The following TASP1 variants were observed in gnomAD, a reference collection of about 807,000 sequenced individuals.
TASP1 encodes the protein threonine aspartase 1.
TASP1 carries 16 observed loss-of-function variants against 56.6 expected under a neutral mutation model. That is an observed-to-expected ratio of 0.28 (90% CI 0.19 to 0.43). TASP1 has a LOEUF of 0.43. Among genes scored for constraint, TASP1 ranks in the 20% least tolerant of loss-of-function variants. The pLI is 1.00. For synonymous variants in TASP1, 179 were observed against 184.2 expected (o/e 0.97, Z 0.23); for missense variants, 393 against 511.6 (o/e 0.77, Z 2.24).
chr20:13,463,589 T>C (rs1309313832), intron 11 of TASP1, among the ~76,000 whole-genome samples: 1 of 152,016 alleles, frequency 6.6e-6, no homozygotes, highest in Admixed American at 6.6e-5. Flanking sequence ...TAACAGAAAA[T>C]ATCTGTAAAT....
the TASP1 span, among the ~76,000 whole-genome samples, chr20:13,328,799 C>T: frequency 1.4e-4 from 12 of 84,668 alleles, no homozygotes; most frequent in Non-Finnish European, 1.8e-4. Context: ...ACACTGGGAC[C>T]TGTAGGAGGG....
intron 11 of TASP1, among the ~76,000 whole-genome samples, chr20:13,479,239 G>T (rs1048798413): frequency 2.0e-5 from 3 of 152,018 alleles, no homozygotes; most frequent in Admixed American, 6.6e-5. Flanking sequence ...GCATTGTAAT[G>T]AGAATCACTA....
the TASP1 span, among the ~76,000 whole-genome samples, chr20:13,213,216 G>A: frequency 6.6e-6 from 1 of 152,034 alleles, no homozygotes; most frequent in Non-Finnish European, 1.5e-5. Context: ...CTTCTAGCCT[G>A]TTGGATTTTT....
At chr20:13,539,565 AT>A (rs1488276608) in intron 8 of TASP1, among the ~76,000 whole-genome samples, 1 of 152,240 alleles carries the variant, frequency 6.6e-6, no homozygotes, top group African/African-American at 2.4e-5. Flanking sequence ...AAGCAAAAAA[AT>A]AAACAATAAA....
chr20:13,123,295 C>T, the TASP1 span, among the ~76,000 whole-genome samples: 4 of 151,526 alleles, frequency 2.6e-5, no homozygotes, highest in East Asian at 7.8e-4. Flanking sequence ...CATGCCACTG[C>T]ACTCCAGCCT....
intron 10 of TASP1, among the ~76,000 whole-genome samples, chr20:13,518,168 GA>G (rs1196160048): frequency 2.0e-5 from 3 of 151,964 alleles, no homozygotes; most frequent in African/African-American, 7.2e-5. Context: ...GAATCTCATT[GA>G]GAGTGACAAA....
chr20:13,442,930 G>A (rs1199249976), intron 11 of TASP1, among the ~76,000 whole-genome samples: 1 of 152,130 alleles, frequency 6.6e-6, no homozygotes, highest in Non-Finnish European at 1.5e-5. Context: ...GCAACTATGT[G>A]TTATTAAGAT....
the TASP1 span, among the ~76,000 whole-genome samples, chr20:13,271,602 T>C: frequency 1.3e-5 from 2 of 152,230 alleles, no homozygotes; most frequent in African/African-American, 2.4e-5. Context: ...ATAGTAGTTA[T>C]AGGGCTCAAA....
At chr20:13,305,154 G>A in the TASP1 span, among the ~76,000 whole-genome samples, 1 of 148,154 alleles carries the variant, frequency 6.7e-6, no homozygotes, top group Admixed American at 6.8e-5. Context: ...ATCTCATTCT[G>A]GCCAGAGACA....
rs11698280 is a variant in TASP1 at position 13,410,784 on chromosome 20, C to T, written c.1170+6664G>A. On this transcript the variant is annotated intron_variant, in intron 13 of 13. Transcript: ENST00000337743. ...TCTCCCATTCAACTGGTTGTCTGCT[C>T]ATTCTGTCAATTGTTTCCATTCCTG... Among the ~76,000 whole-genome samples, 900 of 152,188 alleles carry T rather than the reference C, an allele frequency of 5.9e-3. 5 individuals are homozygous for T. The highest frequency in any genetic ancestry group is 0.011 in the Non-Finnish European group (716 of 68,006).
the TASP1 span, among the ~76,000 whole-genome samples, chr20:13,205,097 T>C: frequency 6.6e-5 from 10 of 152,276 alleles, no homozygotes; most frequent in African/African-American, 2.4e-4. Flanking sequence ...CAGGTCAAAT[T>C]GCTCCTCTGC....
chr20:13,144,869 G>A, the TASP1 span, among the ~76,000 whole-genome samples: 1 of 152,104 alleles, frequency 6.6e-6, no homozygotes, highest in African/African-American at 2.4e-5. Flanking sequence ...CCGCCTCCCA[G>A]GTTCACACCA....
the TASP1 span, among the ~76,000 whole-genome samples, chr20:13,320,644 A>C: frequency 3.3e-5 from 5 of 152,176 alleles, no homozygotes; most frequent in African/African-American, 1.2e-4. Flanking sequence ...TCTCATTAAA[A>C]AACAGAAGTT....
At chr20:13,292,021 G>A in the TASP1 span, among the ~76,000 whole-genome samples, 1 of 152,130 alleles carries the variant, frequency 6.6e-6, no homozygotes, top group Non-Finnish European at 1.5e-5. Context: ...TTAAGAACAA[G>A]ATATTAAACA....
At chr20:13,215,441 TAAC>T in the TASP1 span, among the ~76,000 whole-genome samples, 1 of 152,174 alleles carries the variant, frequency 6.6e-6, no homozygotes, top group South Asian at 2.1e-4. Flanking sequence ...ACGGAAATAA[TAAC>T]AACAAAGCAA....
chr20:13,484,941 G>A (rs552254184), intron 10 of TASP1, among the ~76,000 whole-genome samples: 28 of 151,962 alleles, frequency 1.8e-4, no homozygotes, highest in Non-Finnish European at 3.8e-4. Flanking sequence ...GAGAACACAT[G>A]GACACAGGGA....
chr20:13,303,222 T>C, the TASP1 span, among the ~76,000 whole-genome samples: 2 of 152,228 alleles, frequency 1.3e-5, no homozygotes, highest in African/African-American at 4.8e-5. Flanking sequence ...GCCTGTGCTC[T>C]CCTCTCCTCC....
intron 8 of TASP1, among the ~76,000 whole-genome samples, chr20:13,554,927 C>CA (rs2046104597): frequency 1.3e-5 from 2 of 152,176 alleles, no homozygotes; most frequent in African/African-American, 4.8e-5. Flanking sequence ...CTTCTTAAAA[C>CA]AAACTAATAA....
At chr20:13,164,234 T>C in the TASP1 span, 1 of 413,596 alleles carries the variant, frequency 2.4e-6, no homozygotes. Flanking sequence ...CCCTGTGAGT[T>C]AAGTTCTAGT....
Sources: allele counts gnomAD v4.1 joint callset (sites outside exome capture counted in the v4.1 genomes callset), GRCh38; gene constraint gnomAD v4.1.1; transcripts MANE v1.5; gene names NCBI Gene and HGNC (gene_info 2026-07-23, HGNC 2026-07-21).